The following ABRAXAS1 variants were observed in gnomAD, a reference collection of about 807,000 sequenced individuals.
The protein encoded by ABRAXAS1 is BRCA1-A complex subunit Abraxas 1.
ABRAXAS1 carries 26 observed loss-of-function variants against 38.4 expected under a neutral mutation model. That is an observed-to-expected ratio of 0.68 (90% confidence interval 0.50 to 0.94). The LOEUF (loss-of-function observed/expected upper bound fraction) is 0.94. ABRAXAS1 is among the 40% of genes least tolerant of loss of function. ABRAXAS1 has a pLI of 0.00. For synonymous variants in ABRAXAS1, 144 were observed against 165.5 expected, an observed-to-expected ratio of 0.87 and a Z score of 1.00; for missense variants, 438 against 481.9, an observed-to-expected ratio of 0.91 and a Z score of 0.85.
chr4:83,463,170 C>T (rs1197599294), intron 8 of ABRAXAS1, among the ~76,000 whole-genome samples: 2 of 152,158 alleles, frequency 1.3e-5, no homozygotes, highest in African/African-American at 4.8e-5. Flanking sequence ...TGGCTCACAC[C>T]TATAATCCCA....
Position 83,462,310 on chromosome 4 carries a change from AG to A in ABRAXAS1, c.*158del. 1 of 622,802 alleles carries A rather than the reference AG, an allele frequency of 1.6e-6. No homozygotes were observed. The highest frequency in any genetic ancestry group is 2.7e-6 in the Non-Finnish European group (1 of 365,822). The allele number at this position is 622,802 out of a possible 1,614,324, so 38.6% of individuals were successfully genotyped here. On this transcript the variant is annotated 3_prime_UTR_variant, in exon 9 of 9. Transcript: ENST00000321945. ...TGATGTTTGAAAAAGTACTTTGTGA[AG>A]TAAATGCACTAAGAGTTATCTGTGT...
chr4:83,475,362 C>T (rs79402764), intron 3 of ABRAXAS1, among the ~76,000 whole-genome samples: 3,640 of 152,306 alleles, frequency 0.024, 138 homozygotes, highest in African/African-American at 0.083. Flanking sequence ...AGTTAGTTCT[C>T]ACCTTAACCA....
At chr4:83,475,037 A>G (rs1341519722) in intron 3 of ABRAXAS1, among the ~76,000 whole-genome samples, 2 of 152,194 alleles carry the variant, frequency 1.3e-5, no homozygotes, top group African/African-American at 4.8e-5. Flanking sequence ...TGTAAGAGCT[A>G]AAAGGCTCAG....
chr4:83,479,118 G>A lies in ABRAXAS1; in HGVS notation c.179-2439C>T, dbSNP rs1405883470. 5.3e-5 allele frequency: 8 copies of A among 152,132 alleles called. 1 individual carries two copies. The highest frequency in any genetic ancestry group is 5.2e-4 in the Admixed American group (8 of 15,260). The allele number at this position is 152,132 out of a possible 1,614,324, so 9.4% of individuals were successfully genotyped here. On this transcript the variant is annotated intron_variant, in intron 2 of 8. Transcript: ENST00000321945. ...TAATACCTAGTGTTGGCAAGAGCAT[G>A]GGGGCCGGGCATGGTGACTCACGCC...
intron 2 of ABRAXAS1, among the ~76,000 whole-genome samples, chr4:83,481,014 C>T (rs1008725570): frequency 2.0e-5 from 3 of 152,034 alleles, no homozygotes; most frequent in East Asian, 1.9e-4. Context: ...CGTCTGTAAT[C>T]CCAGCTACTT....
chr4:83,466,602 C>A (rs944381847), intron 7 of ABRAXAS1, among the ~76,000 whole-genome samples: 3 of 150,866 alleles, frequency 2.0e-5, no homozygotes, highest in Non-Finnish European at 4.4e-5. Context: ...GTGGCACGAT[C>A]TTGGCTCACT....
chr4:83,478,259 G>C (rs1187988685), intron 2 of ABRAXAS1: 1 of 673,360 alleles, frequency 1.5e-6, no homozygotes, highest in Non-Finnish European at 2.9e-6. Flanking sequence ...GGCAATCGTG[G>C]GACATGTGGA....
chr4:83,474,127 AGTGAGACCTT>A (rs1282041270), intron 3 of ABRAXAS1, among the ~76,000 whole-genome samples: 5 of 149,550 alleles, frequency 3.3e-5, no homozygotes, highest in Non-Finnish European at 7.4e-5. Context: ...TGGGCAACAG[AGTGAGACCTT>A]GTCTAAAAAA....
At position 83,469,049 on chromosome 4, in the gene ABRAXAS1, T is replaced by TCGG. The variant is rs1371839229; in HGVS notation, c.576_578dup (p.Arg193dup). 1 of 1,613,168 alleles carries TCGG rather than the reference T, an allele frequency of 6.2e-7. No individual in the cohort carries two copies. The highest frequency in any genetic ancestry group is 2.2e-5 in the East Asian group (1 of 44,878). On this transcript the variant is annotated inframe_insertion, in exon 6 of 9. Transcript: ENST00000321945. ...AATCTTACCTGTGTGTTTGTACTGC[T>TCGG]CGGCTAAAACCAGTGGACATACAGG... is the stretch of plus-strand genomic sequence containing the variant.
At position 83,460,881 on chromosome 4, in the gene ABRAXAS1, G is replaced by A; in HGVS notation, c.*1588C>T. On this transcript the variant is annotated 3_prime_UTR_variant, in exon 9 of 9. Coordinates refer to ENST00000321945, the MANE Select transcript of ABRAXAS1 (RefSeq NM_139076.3). ...AGAGAGCACCACTGTACTCCAGCCT[G>A]GGTGACACAGGGAGACTCCATCTCA... 1.9e-6 allele frequency: 2 copies of A among 1,068,524 alleles called. No individual in the cohort carries two copies. Among genetic ancestry groups the A allele is most frequent in the South Asian group, 1.4e-5 (1 of 71,702 alleles). 66.2% of individuals were successfully genotyped at this position (1,068,524 alleles called of 1,614,324 possible). A position where few individuals can be genotyped will look rare whatever the true frequency, so the allele number is the denominator to read the frequency against.
intron 7 of ABRAXAS1, among the ~76,000 whole-genome samples, chr4:83,464,931 T>A (rs17355013): frequency 0.36 from 54,587 of 152,082 alleles, 11,398 homozygotes; most frequent in East Asian, 0.67. Flanking sequence ...TCTTATGATA[T>A]ACCTCTACAT....
intron 6 of ABRAXAS1, 147 bp downstream of exon 6, chr4:83,468,885 A>G: frequency 1.2e-6 from 1 of 840,858 alleles, no homozygotes; most frequent in Non-Finnish European, 1.9e-6. Context: ...AAGCAGTAAC[A>G]GGAGTATGAG....
In ABRAXAS1 at chr4:83,462,711, T is replaced by G; in HGVS notation, c.988A>C (p.Thr330Pro). The part of the protein sequence containing the change: ...VDNLTLMVEH[T>P]DIPEASPAST... ...GCTGGACTAGCTTCAGGAATGTCAG[T>G]GTGTTCTACCATTAAGGTCAGATTG... Residue 330 changes from threonine to proline, a missense_variant, in exon 9 of 9, where the codon ACT becomes CCT. Physicochemically the swap from Thr to Pro is conservative, Grantham distance 38. Transcript: ENST00000321945. 1 of 1,613,828 alleles carries G rather than the reference T, an allele frequency of 6.2e-7. No homozygotes were observed.
intron 2 of ABRAXAS1, among the ~76,000 whole-genome samples, 167 bp from the exon 3 acceptor site, chr4:83,476,846 A>G (rs1292857531): frequency 1.3e-5 from 2 of 152,194 alleles, no homozygotes; most frequent in Non-Finnish European, 2.9e-5. Context: ...TCCCCTTTCA[A>G]AGATGATATA....
intron 1 of ABRAXAS1, 87 bp from the exon 2 acceptor site, chr4:83,482,331 GTA>G: frequency 1.3e-6 from 1 of 742,014 alleles, no homozygotes; most frequent in East Asian, 2.8e-5. Context: ...ATTTTACTAT[GTA>G]TACAATATGT....
In ABRAXAS1 at chr4:83,459,939, T is replaced by G; in HGVS notation, c.*2530A>C. The stretch of plus-strand genomic sequence containing the variant: ...TACTACAGGGACTAGAGCTAGTTAC[T>G]ATGAAAAAGTCTCTTAGGCCAAGAG... On this transcript the variant is annotated 3_prime_UTR_variant, in exon 9 of 9. Transcript: ENST00000321945. 1 of 623,400 alleles carries G rather than the reference T, an allele frequency of 1.6e-6. No homozygotes were observed. The allele number at this position is 623,400 out of a possible 1,614,324, so 38.6% of individuals were successfully genotyped here.
intron 3 of ABRAXAS1, among the ~76,000 whole-genome samples, chr4:83,475,702 T>G (rs56107025): frequency 0.069 from 10,509 of 152,226 alleles, 1,221 homozygotes; most frequent in African/African-American, 0.24. Flanking sequence ...ATCATAAAAC[T>G]ATTTCATTAA....
At chr4:83,478,575 T>C (rs1722868558) in intron 2 of ABRAXAS1, among the ~76,000 whole-genome samples, 1 of 152,232 alleles carries the variant, frequency 6.6e-6, no homozygotes, top group South Asian at 2.1e-4. Context: ...GGATGTTGGT[T>C]CAAAGTTATT....
In ABRAXAS1 at chr4:83,462,324, G is replaced by GA; in HGVS notation, c.*144dup. 1 of 682,652 alleles carries GA rather than the reference G, an allele frequency of 1.5e-6. No homozygotes were observed. Among genetic ancestry groups the GA allele is most frequent in the South Asian group, 1.9e-5 (1 of 51,728 alleles). 42.3% of individuals were successfully genotyped at this position (682,652 alleles called of 1,614,324 possible). A position where few individuals can be genotyped will look rare whatever the true frequency, so the allele number is the denominator to read the frequency against. ...GTACTTTGTGAAGTAAATGCACTAA[G>GA]AGTTATCTGTGTATTACTGCAAACA... On this transcript the variant is annotated 3_prime_UTR_variant, in exon 9 of 9. Transcript: ENST00000321945.
Sources: gnomAD v4.1 joint callset for allele counts (sites outside exome capture counted in the v4.1 genomes callset) on GRCh38, gnomAD v4.1.1 for gene constraint, MANE v1.5 for transcripts, NCBI Gene and HGNC (gene_info 2026-07-23, HGNC 2026-07-21) for gene names.